NARF: variants seen among roughly 807,000 people sequenced by gnomAD.
NARF encodes the protein nuclear prelamin A recognition factor.
NARF carries 41 observed loss-of-function variants against 48.0 expected under a neutral mutation model. The ratio of observed to expected loss-of-function variants is 0.85; its 90% CI spans 0.66 to 1.11. The LOEUF (loss-of-function observed/expected upper bound fraction) is 1.11. NARF is among the 50% of genes least tolerant of loss of function. NARF has a pLI of 0.00. For synonymous variants in NARF, 215 were observed against 225.5 expected (o/e 0.95, Z 0.42); for missense variants, 613 against 590.2 (o/e 1.04, Z -0.40).
chr17:82,488,016 G>A lies in NARF; in HGVS notation c.1230G>A (p.Arg410=), dbSNP rs149724784. ...GCATTTACGCTGACATCCCTGTGCG[G>A]CGTCCGGAGTCCAGTGCACACGTGC... ...MEGIYADIPV[R]RPESSAHVQE... Residue 410 remains arginine (R), a synonymous_variant, in exon 11 of 11, where the codon CGG becomes CGA. Coordinates refer to ENST00000309794, the MANE Select transcript of NARF (RefSeq NM_012336.4). 1.7e-5 allele frequency: 28 copies of A among 1,614,068 alleles called. No homozygotes were observed. In the African/African-American group the frequency reaches 2.7e-4, roughly 15 times the overall value.
intron 2 of NARF, chr17:82,460,948 C>G (rs1170052827): frequency 6.6e-6 from 1 of 151,814 alleles, no homozygotes. Context: ...CAGGGTCTCA[C>G]TGTCACCCAG....
At chr17:82,460,171 GAAGAC>G in intron 2 of NARF, 99 bp downstream of exon 2, 1 of 1,036,006 alleles carries the variant, frequency 9.7e-7, no homozygotes, top group South Asian at 1.4e-5. Flanking sequence ...CTGCTTTAAA[GAAGAC>G]TGAAGTACGC....
chr17:82,461,372 G>A (rs962440539), intron 2 of NARF, among the ~76,000 whole-genome samples: 1 of 152,172 alleles, frequency 6.6e-6, no homozygotes, highest in African/African-American at 2.4e-5. Flanking sequence ...AACACTTTGG[G>A]AGGCCGAGGT....
chr17:82,468,943 A>T (rs760562363), intron 4 of NARF, 47 bp downstream of exon 4: 1 of 1,602,278 alleles, frequency 6.2e-7, no homozygotes, highest in African/African-American at 1.3e-5. Context: ...TGAGTTTATA[A>T]GCGCCCTTTT....
chr17:82,459,158 G>A (rs2043365767), intron 1 of NARF: 2 of 1,128,162 alleles, frequency 1.8e-6, no homozygotes, highest in African/African-American at 3.2e-5. Flanking sequence ...GATCAGAAGC[G>A]TTTCGAGAGG....
At chr17:82,484,618 G>A (rs1374279296) in intron 8 of NARF, 195 bp from the exon 9 acceptor site, 2 of 544,156 alleles carry the variant, frequency 3.7e-6, no homozygotes. Flanking sequence ...CGCCTTGCCC[G>A]AGCATCAGGC....
At chr17:82,461,257 C>T (rs2043430159) in intron 2 of NARF, among the ~76,000 whole-genome samples, 1 of 151,768 alleles carries the variant, frequency 6.6e-6, no homozygotes, top group South Asian at 2.1e-4. Context: ...TTTAAATTCT[C>T]CTTAGCTAGT....
At chr17:82,466,658 G>A (rs1435809706) in intron 3 of NARF, among the ~76,000 whole-genome samples, 2 of 152,062 alleles carry the variant, frequency 1.3e-5, no homozygotes, top group Non-Finnish European at 2.9e-5. Flanking sequence ...TCATCATGTT[G>A]GCCAGGCTGG....
intron 4 of NARF, among the ~76,000 whole-genome samples, chr17:82,471,134 A>T (rs2043689890): frequency 6.7e-6 from 1 of 150,006 alleles, no homozygotes; most frequent in African/African-American, 2.5e-5. Context: ...ACCACACTCC[A>T]GCCTGGGTGA....
At chr17:82,468,265 C>T (rs945409972) in intron 3 of NARF, among the ~76,000 whole-genome samples, 3 of 150,590 alleles carry the variant, frequency 2.0e-5, no homozygotes, top group Non-Finnish European at 4.4e-5. Context: ...GAGCTGAGAT[C>T]GCGCCACTGT....
intron 2 of NARF, among the ~76,000 whole-genome samples, chr17:82,461,331 G>T (rs183670975): frequency 6.6e-6 from 1 of 152,260 alleles, no homozygotes; most frequent in East Asian, 1.9e-4. Flanking sequence ...TGATTTTACA[G>T]CCAGGCATGG....
chr17:82,486,363 C>T (rs1296754964), intron 10 of NARF, among the ~76,000 whole-genome samples: 1 of 152,092 alleles, frequency 6.6e-6, no homozygotes, highest in Admixed American at 6.5e-5. Flanking sequence ...ACGAGGGACT[C>T]GAGTGGAAAT....
Position 82,489,336 on chromosome 17 carries a change from C to A in NARF, c.*1179C>A, listed in dbSNP as rs2044159614. 1 of 152,954 alleles carries A rather than the reference C, an allele frequency of 6.5e-6. No individual in the cohort carries two copies. Among genetic ancestry groups the A allele is most frequent in the African/African-American group, 2.4e-5 (1 of 41,454 alleles). 9.5% of individuals were successfully genotyped at this position (152,954 alleles called of 1,614,324 possible). Reference sequence around the variant, plus strand: ...TGGACCATACTCAGGGCCCTGGAGGCCTGGCAACCCAGGCCCCAACTCAAA... The same window carrying A: ...TGGACCATACTCAGGGCCCTGGAGGACTGGCAACCCAGGCCCCAACTCAAA... On this transcript the variant is annotated 3_prime_UTR_variant, in exon 11 of 11. Transcript: ENST00000309794.
intron 10 of NARF, among the ~76,000 whole-genome samples, chr17:82,487,344 C>A (rs570058734): frequency 1.3e-5 from 2 of 151,400 alleles, no homozygotes; most frequent in African/African-American, 4.9e-5. Flanking sequence ...ATTAGCCGGG[C>A]GTGGTGGCAC....
chr17:82,468,905 T>C lies in NARF; in HGVS notation c.385+9T>C. On this transcript the variant is annotated intron_variant, in intron 4 of 10. Coordinates refer to ENST00000309794, the MANE Select transcript of NARF (RefSeq NM_012336.4). ...TTTCCTCAAAAGTCTTGGTGAGTCA[T>C]CTTTTGATAAATTGGGAATGTATAA... The C allele has an allele frequency of 1.2e-6, 2 of 1,612,170 alleles. No individual in the cohort carries two copies. The highest frequency in any genetic ancestry group is 1.7e-6 in the Non-Finnish European group (2 of 1,179,338).
At chr17:82,467,755 C>T (rs1248768749) in intron 3 of NARF, among the ~76,000 whole-genome samples, 2 of 152,174 alleles carry the variant, frequency 1.3e-5, no homozygotes, top group Non-Finnish European at 2.9e-5. Flanking sequence ...CCGCCTGCCT[C>T]AGCCTCCCAC....
chr17:82,483,382 C>A, intron 7 of NARF: 1 of 314,176 alleles, frequency 3.2e-6, no homozygotes, highest in Non-Finnish European at 6.2e-6. Context: ...TTGTTATACA[C>A]AAAAGTTTTC....
In NARF at chr17:82,468,845, C is replaced by T; in HGVS notation, c.334C>T (p.Leu112Phe). The T allele has an allele frequency of 6.2e-7, 1 of 1,614,118 alleles. No homozygotes were observed. Residue 112 changes from leucine (L) to phenylalanine (F), a missense_variant, in exon 4 of 11, where the codon CTC becomes TTC. Coordinates refer to ENST00000309794, the MANE Select transcript of NARF (RefSeq NM_012336.4). ...SLPYFAAKFN[L>F]SVTDASRRLC... ...GCCTTATTTTGCTGCTAAATTCAAC[C>T]TCAGTGTAACTGATGCATCCAGAAG...
chr17:82,477,077 T>C (rs1296275636), intron 5 of NARF: 1 of 152,212 alleles, frequency 6.6e-6, no homozygotes, highest in East Asian at 1.9e-4. Context: ...CACGCTGGAG[T>C]GCGGCAGCTC....
Sources: gnomAD v4.1 joint callset for allele counts (sites outside exome capture counted in the v4.1 genomes callset) on GRCh38, gnomAD v4.1.1 for gene constraint, MANE v1.5 for transcripts, NCBI Gene and HGNC (gene_info 2026-07-23, HGNC 2026-07-21) for gene names.